The following LARGE1 variants were observed in gnomAD, a reference collection of about 807,000 sequenced individuals.
LARGE1 encodes the protein LARGE xylosyl- and glucuronyltransferase 1.
A neutral mutation model predicts 87.6 loss-of-function variants in LARGE1; 43 were observed. The observed-to-expected ratio is 0.49, with a 90% confidence interval of 0.38 to 0.63. LARGE1 has a LOEUF of 0.63. LARGE1 is among the 30% of genes least tolerant of loss of function. The pLI is 0.00. For synonymous variants in LARGE1, 434 were observed against 394.6 expected (o/e 1.10, Z -1.18); for missense variants, 802 against 1,000.2 (o/e 0.80, Z 2.67).
intron 14 of LARGE1, among the ~76,000 whole-genome samples, chr22:33,276,684 T>C (rs555696022): frequency 6.6e-6 from 1 of 152,370 alleles, no homozygotes; most frequent in East Asian, 1.9e-4. Context: ...AGCTGCATCT[T>C]AGCAGCATGC....
chr22:33,612,877 C>A (rs932982929), intron 4 of LARGE1, among the ~76,000 whole-genome samples: 3 of 152,134 alleles, frequency 2.0e-5, no homozygotes, highest in African/African-American at 4.8e-5. Context: ...GAGGAGCAAG[C>A]CCTTAAAGAA....
At chr22:33,920,609 TGGGGCGCGGGGCCG>T (rs2065919959), upstream of LARGE1, among the ~76,000 whole-genome samples, 1 of 143,568 alleles carries the variant, frequency 7.0e-6, no homozygotes, top group African/African-American at 2.5e-5. Context: ...CGCCCCGGCC[TGGGGCGCGGGGCCG>T]GGGGCGCGGG....
At chr22:33,757,258 C>T (rs1056426880) in intron 2 of LARGE1, among the ~76,000 whole-genome samples, 5 of 152,200 alleles carry the variant, frequency 3.3e-5, no homozygotes, top group African/African-American at 1.2e-4. Context: ...ATTGATCCTG[C>T]TTCCATGCTC....
At chr22:33,107,819 G>T in the LARGE1 span, among the ~76,000 whole-genome samples, 1 of 152,174 alleles carries the variant, frequency 6.6e-6, no homozygotes, top group Admixed American at 6.5e-5. Flanking sequence ...AGTGAGTTAT[G>T]ATTGTGCCAC....
chr22:33,408,223 G>T (rs1289778656), intron 7 of LARGE1, among the ~76,000 whole-genome samples: 4 of 152,198 alleles, frequency 2.6e-5, no homozygotes, highest in Admixed American at 6.5e-5. Flanking sequence ...GACCTCAGGT[G>T]ATCTACCCGC....
chr22:33,749,986 G>A (rs1298778850), intron 2 of LARGE1, among the ~76,000 whole-genome samples: 1 of 152,114 alleles, frequency 6.6e-6, no homozygotes, highest in Non-Finnish European at 1.5e-5. Flanking sequence ...CTGAGCCTTA[G>A]TTTCCTCATC....
At chr22:33,541,521 T>C (rs1334874325) in intron 6 of LARGE1, among the ~76,000 whole-genome samples, 6 of 152,192 alleles carry the variant, frequency 3.9e-5, no homozygotes, top group African/African-American at 1.4e-4. Context: ...GATACGGACA[T>C]GCATTGTTTT....
At chr22:33,416,906 C>CTTTTTTTTTTTTTTTTTTTTTTTTT (rs35018256) in intron 7 of LARGE1, among the ~76,000 whole-genome samples, 5 of 90,146 alleles carry the variant, frequency 5.5e-5, no homozygotes, top group African/African-American at 2.9e-4. Context: ...CACGCCCGGA[C>CTTTTTTTTTTTTTTTTTTTTTTTTT]TTTTTTTTTT....
chr22:33,259,025 C>A (rs564258497), intron 11 of LARGE1, among the ~76,000 whole-genome samples: 1 of 152,034 alleles, frequency 6.6e-6, no homozygotes, highest in East Asian at 1.9e-4. Flanking sequence ...TTATGGGCGC[C>A]CGCCACCACA....
chr22:33,556,516 A>G (rs1201148890), intron 6 of LARGE1, among the ~76,000 whole-genome samples: 15 of 78,988 alleles, frequency 1.9e-4, no homozygotes, highest in South Asian at 5.0e-4. Flanking sequence ...AGAAGGAAGG[A>G]AGGGAGGGAG....
At chr22:33,252,975 G>A (rs1448421292) in intron 11 of LARGE1, among the ~76,000 whole-genome samples, 1 of 152,220 alleles carries the variant, frequency 6.6e-6, no homozygotes, top group Non-Finnish European at 1.5e-5. Flanking sequence ...TTGGAGCTGA[G>A]ACTGAATTGG....
intron 7 of LARGE1, among the ~76,000 whole-genome samples, chr22:33,424,422 G>T (rs2066802491): frequency 6.6e-6 from 1 of 152,188 alleles, no homozygotes; most frequent in African/African-American, 2.4e-5. Flanking sequence ...GTTTTGGAAG[G>T]ATGCTCGCTT....
chr22:33,189,383 T>C (rs1264163885), intron 11 of LARGE1, among the ~76,000 whole-genome samples: 2 of 152,198 alleles, frequency 1.3e-5, no homozygotes, highest in South Asian at 2.1e-4. Context: ...AAGGTGGTGA[T>C]GGATGACTAA....
intron 2 of LARGE1, among the ~76,000 whole-genome samples, chr22:33,726,722 G>T (rs1322625345): frequency 6.6e-6 from 1 of 152,130 alleles, no homozygotes; most frequent in East Asian, 1.9e-4. Context: ...TACTTGGCCA[G>T]CCCCAAGGTG....
At chr22:33,895,533 G>T (rs1046020827) in intron 1 of LARGE1, among the ~76,000 whole-genome samples, 1 of 152,104 alleles carries the variant, frequency 6.6e-6, no homozygotes, top group Admixed American at 6.5e-5. Flanking sequence ...CTCTGGGGCC[G>T]AATCCACCTG....
intron 6 of LARGE1, chr22:33,562,826 G>C (rs1367808273): frequency 6.6e-6 from 1 of 152,554 alleles, no homozygotes; most frequent in Non-Finnish European, 1.5e-5. Context: ...TGGTGACTAT[G>C]GTGGTTATAC....
At chr22:33,304,595 C>T in intron 11 of LARGE1, 88 bp from the exon 12 acceptor site, 2 of 1,360,098 alleles carry the variant, frequency 1.5e-6, no homozygotes, top group South Asian at 1.4e-5. Context: ...CCTCCAGTGA[C>T]ACTTGATCAA....
the LARGE1 span, among the ~76,000 whole-genome samples, chr22:33,134,280 A>G: frequency 1.4e-5 from 2 of 137,942 alleles, no homozygotes; most frequent in East Asian, 2.1e-4. Context: ...TTTTTTTGAG[A>G]CAGAGTCTTG....
intron 10 of LARGE1, among the ~76,000 whole-genome samples, chr22:33,326,663 A>G (rs1450466851): frequency 6.6e-6 from 1 of 152,158 alleles, no homozygotes; most frequent in Non-Finnish European, 1.5e-5. Flanking sequence ...CTTCTTATCT[A>G]CTGCACAAGT....
Sources: allele counts gnomAD v4.1 joint callset (sites outside exome capture counted in the v4.1 genomes callset), GRCh38; gene constraint gnomAD v4.1.1; transcripts MANE v1.5; gene names NCBI Gene and HGNC (gene_info 2026-07-23, HGNC 2026-07-21).